The following GPC5 variants were observed in gnomAD, a reference collection of about 807,000 sequenced individuals.
GPC5 encodes glypican-5.
Under a neutral mutation model 53.9 loss-of-function variants are expected in GPC5, and 47 were observed. The observed-to-expected ratio is 0.87, with a 90% CI of 0.69 to 1.11. GPC5 has a LOEUF of 1.11. GPC5 is among the 50% of genes most tolerant of loss of function. The pLI, the probability that GPC5 is intolerant of heterozygous loss-of-function variation, is 0.00. For missense variants in GPC5, 748 were observed against 713.1 expected (o/e 1.05, Z -0.56); for synonymous variants, 286 against 263.3 (o/e 1.09, Z -0.84).
intron 6 of GPC5, among the ~76,000 whole-genome samples, chr13:91,988,133 A>G (rs1000199170): frequency 2.0e-4 from 30 of 151,360 alleles, no homozygotes; most frequent in African/African-American, 4.6e-4. Context: ...TTTTAAGGCC[A>G]TTATTATGCT....
At chr13:92,403,208 G>T (rs9670096) in intron 7 of GPC5, among the ~76,000 whole-genome samples, 15,524 of 152,182 alleles carry the variant, frequency 0.1, 962 homozygotes, top group East Asian at 0.3. Context: ...ATTAATGGTG[G>T]ATGTTTAAGG....
intron 6 of GPC5, among the ~76,000 whole-genome samples, chr13:92,103,697 C>T (rs764294317): frequency 3.9e-5 from 6 of 152,222 alleles, no homozygotes; most frequent in Non-Finnish European, 8.8e-5. Context: ...GCAACAATAA[C>T]TCTCTCGGCA....
chr13:92,442,538 A>T lies in GPC5; in HGVS notation c.1561+297549A>T, dbSNP rs143276481. Among the ~76,000 whole-genome samples the T allele has an allele frequency of 4.1e-4, 63 of 152,264 alleles. 1 individual carries two copies. The East Asian group carries it at 0.011, about 28-fold the overall frequency. On this transcript the variant is annotated intron_variant, in intron 7 of 7. Transcript: ENST00000377067. ...TTTTAGACATTATTTTTAAATGTAT[A>T]TATCAACTGTTTTCACTCATCAATA...
chr13:91,739,598 C>T (rs1404491937), intron 4 of GPC5, among the ~76,000 whole-genome samples: 1 of 151,154 alleles, frequency 6.6e-6, no homozygotes, highest in Non-Finnish European at 1.5e-5. Flanking sequence ...AGATTGCTTG[C>T]TCACATGGCT....
intron 7 of GPC5, among the ~76,000 whole-genome samples, chr13:92,298,641 C>T (rs1313435418): frequency 1.3e-5 from 2 of 152,170 alleles, no homozygotes; most frequent in East Asian, 1.9e-4. Flanking sequence ...CTCCCTTTCC[C>T]GCTTCCACAG....
intron 4 of GPC5, among the ~76,000 whole-genome samples, chr13:91,739,728 T>C (rs1159996820): frequency 6.6e-6 from 1 of 151,418 alleles, no homozygotes; most frequent in Non-Finnish European, 1.5e-5. Flanking sequence ...AGGCAGAGGC[T>C]GCCGTCTTAT....
At chr13:91,832,462 C>A (rs893773277) in intron 5 of GPC5, among the ~76,000 whole-genome samples, 5 of 151,832 alleles carry the variant, frequency 3.3e-5, no homozygotes, top group Non-Finnish European at 5.9e-5. Flanking sequence ...TTAATTGGGG[C>A]ATTTAGCCCA....
chr13:92,655,333 TA>T (rs1566345331), intron 7 of GPC5, among the ~76,000 whole-genome samples: 16 of 115,580 alleles, frequency 1.4e-4, no homozygotes, highest in South Asian at 1.0e-3. Flanking sequence ...TTATTTATTT[TA>T]TTTTTATTTT....
At chr13:91,918,939 C>A (rs2039685168) in intron 6 of GPC5, among the ~76,000 whole-genome samples, 1 of 152,116 alleles carries the variant, frequency 6.6e-6, no homozygotes, top group Non-Finnish European at 1.5e-5. Context: ...TAATTATCTT[C>A]TTCCAAGATG....
Position 92,220,157 on chromosome 13 carries a change from T to C in GPC5, c.1561+75168T>C, listed in dbSNP as rs1466450170. The stretch of plus-strand genomic sequence containing the variant: ...GCAGTAGTGTTCTGTGTAAATACTT[T>C]GTGCTTTTCTTTTTGCTTTCCTTAC... On this transcript the variant is annotated intron_variant, in intron 7 of 7. Transcript: ENST00000377067. 2.0e-5 allele frequency among the ~76,000 whole-genome samples: 3 copies of C among 152,206 alleles called. No homozygotes were observed. The East Asian group carries it at 5.8e-4, about 29-fold the overall frequency.
intron 7 of GPC5, among the ~76,000 whole-genome samples, chr13:92,314,717 T>G (rs2043167030): frequency 6.6e-6 from 1 of 152,180 alleles, no homozygotes; most frequent in South Asian, 2.1e-4. Flanking sequence ...ATTCTGCAGA[T>G]GAAGACCAGA....
At chr13:92,752,250 T>A (rs1889423023) in intron 7 of GPC5, among the ~76,000 whole-genome samples, 1 of 152,136 alleles carries the variant, frequency 6.6e-6, no homozygotes, top group Admixed American at 6.5e-5. Context: ...TCATCCACAC[T>A]GCTTCTCCCA....
At chr13:91,447,410 G>A (rs1022393454) in intron 1 of GPC5, among the ~76,000 whole-genome samples, 2 of 151,212 alleles carry the variant, frequency 1.3e-5, no homozygotes. Context: ...AGTGAAAAAC[G>A]ATTGCCAAAA....
chr13:91,635,600 T>C (rs1400622534), intron 2 of GPC5, among the ~76,000 whole-genome samples: 1 of 152,136 alleles, frequency 6.6e-6, no homozygotes, highest in Non-Finnish European at 1.5e-5. Flanking sequence ...TATTATTATA[T>C]TATGTTACAC....
At chr13:92,251,451 G>T (rs1410909918) in intron 7 of GPC5, among the ~76,000 whole-genome samples, 2 of 152,102 alleles carry the variant, frequency 1.3e-5, no homozygotes, top group African/African-American at 4.8e-5. Flanking sequence ...GCTGGGGTTT[G>T]TGGGAGCTGT....
chr13:91,555,027 T>C (rs1047512079), intron 2 of GPC5, among the ~76,000 whole-genome samples: 1 of 152,108 alleles, frequency 6.6e-6, no homozygotes, highest in Non-Finnish European at 1.5e-5. Context: ...TCCTTTCTTT[T>C]AGTGGCTTCT....
chr13:92,269,551 A>G (rs982167966), intron 7 of GPC5, among the ~76,000 whole-genome samples: 1 of 152,032 alleles, frequency 6.6e-6, no homozygotes, highest in Non-Finnish European at 1.5e-5. Flanking sequence ...GACTACAGGC[A>G]TCTGCCACCA....
At chr13:92,843,148 T>C (rs1878487774) in intron 7 of GPC5, among the ~76,000 whole-genome samples, 1 of 152,176 alleles carries the variant, frequency 6.6e-6, no homozygotes, top group Non-Finnish European at 1.5e-5. Context: ...CATAATATTA[T>C]ATACTTCTAT....
chr13:91,770,704 T>TTGTGTG (rs71113759), intron 5 of GPC5, among the ~76,000 whole-genome samples: 1,815 of 145,644 alleles, frequency 0.012, 21 homozygotes, highest in Middle Eastern at 0.029. Context: ...GACTGTGTGT[T>TTGTGTG]TGTGTGTGTG....
Sources: allele counts gnomAD v4.1 joint callset (sites outside exome capture counted in the v4.1 genomes callset), GRCh38; gene constraint gnomAD v4.1.1; transcripts MANE v1.5; gene names NCBI Gene and HGNC (gene_info 2026-07-23, HGNC 2026-07-21).